Variants in PAXIP1 observed in about 807,000 individuals in gnomAD.
PAXIP1 encodes PAX-interacting protein 1.
A neutral mutation model predicts 140.6 loss-of-function variants in PAXIP1; 19 were observed. The ratio of observed to expected loss-of-function variants is 0.14; its 90% CI spans 0.09 to 0.20. PAXIP1 has a LOEUF of 0.20. Among genes scored for constraint, PAXIP1 ranks in the 10% least tolerant of loss-of-function variants. The pLI is 1.00. For missense variants in PAXIP1, 920 were observed against 1,208.6 expected (o/e 0.76, Z 3.54); for synonymous variants, 442 against 444.6 (o/e 0.99, Z 0.07).
intron 3 of PAXIP1, among the ~76,000 whole-genome samples, chr7:154,993,317 A>C (rs563922316): frequency 5.9e-5 from 9 of 152,190 alleles, no homozygotes; most frequent in Non-Finnish European, 1.2e-4. Flanking sequence ...TAATCGTTCT[A>C]CCCAATGCAA....
rs1808876383 is a variant in PAXIP1, at chr7:154,963,816, G to A, written c.1894-50C>T. 1.6e-6 allele frequency: 2 copies of A among 1,261,702 alleles called. No homozygotes were observed. Among genetic ancestry groups the A allele is most frequent in the Non-Finnish European group, 2.3e-6 (2 of 870,010 alleles). The allele number at this position is 1,261,702 out of a possible 1,614,324, so 78.2% of individuals were successfully genotyped here. A position where few individuals can be genotyped will look rare whatever the true frequency, so the allele number is the denominator to read the frequency against. On this transcript the variant is annotated intron_variant, in intron 8 of 20. Transcript: ENST00000404141. This position sits in a 1 kb window ranked among gnomAD's most constrained non-coding sequence, Gnocchi z 4.1. The stretch of plus-strand genomic sequence containing the variant: ...CAGTCATCAATCACTCAGAATAGAG[G>A]AGAATTCCAATTTCAAATAAGGCAG...
chr7:154,953,744 GA>G (rs965176801), intron 16 of PAXIP1, among the ~76,000 whole-genome samples: 1 of 152,128 alleles, frequency 6.6e-6, no homozygotes, highest in Non-Finnish European at 1.5e-5. Context: ...ATCAATCTAA[GA>G]AAAAACTATC....
At position 154,960,970 on chromosome 7, in the gene PAXIP1, A is replaced by C. The variant is rs376757936; in HGVS notation, c.2357T>G (p.Ile786Ser). The C allele has an allele frequency of 1.4e-5, 23 of 1,604,622 alleles. No individual in the cohort carries two copies. Among genetic ancestry groups the C allele is most frequent in the Admixed American group, 1.0e-4 (6 of 58,720 alleles). The change falls in exon 12 of 21, where the codon ATT becomes AGT. Residue 786 changes from isoleucine (I) to serine (S), a missense_variant. This residue lies in a region of PAXIP1 where 303 missense variants were observed against 517.9 expected (regional missense o/e 0.59). Transcript: ENST00000404141. ...LLGNFEALRQ[I>S]QYSRYTAFSL... The stretch of plus-strand genomic sequence containing the variant: ...GAATGCCGTGTAGCGACTATACTGA[A>C]TCTGCCTCAGTGCCTCAAAGTTTCC...
At chr7:154,977,375 C>T (rs1809629358) in intron 5 of PAXIP1, among the ~76,000 whole-genome samples, 3 of 152,182 alleles carry the variant, frequency 2.0e-5, no homozygotes, top group Admixed American at 2.0e-4. Flanking sequence ...AACTCCGTGT[C>T]CTGTTGCAGA....
At chr7:154,985,385 T>C (rs1810023419) in intron 4 of PAXIP1, among the ~76,000 whole-genome samples, 1 of 152,052 alleles carries the variant, frequency 6.6e-6, no homozygotes, top group Admixed American at 6.6e-5. Flanking sequence ...GTCCAGGCCC[T>C]TCCTGTCTGG....
chr7:154,983,480 T>C (rs899440449), intron 4 of PAXIP1, 148 bp from the exon 5 acceptor site: 8 of 579,600 alleles, frequency 1.4e-5, no homozygotes, highest in Non-Finnish European at 2.4e-5. Context: ...GAGAAGCTTT[T>C]AGCTATCTGC....
chr7:154,945,896 G>A (rs1315159132), intron 20 of PAXIP1: 1 of 985,232 alleles, frequency 1.0e-6, no homozygotes, highest in Non-Finnish European at 1.2e-6. Flanking sequence ...ACTGACCTTT[G>A]CATTTTCCTG....
At chr7:154,944,313 G>C (rs892238274) in intron 20 of PAXIP1, 149 bp from the exon 21 acceptor site, 29 of 611,578 alleles carry the variant, frequency 4.7e-5, no homozygotes, top group Non-Finnish European at 7.3e-5. Flanking sequence ...TCGCTCTGCT[G>C]CATACCCACA....
At chr7:154,948,564 T>A (rs1035335731) in intron 16 of PAXIP1, 14 of 151,754 alleles carry the variant, frequency 9.2e-5, no homozygotes, top group African/African-American at 3.1e-4. Context: ...ATAGTAATTT[T>A]TTTTTTTTTA....
intron 17 of PAXIP1, 74 bp downstream of exon 17, chr7:154,947,829 C>A: frequency 2.8e-6 from 3 of 1,069,066 alleles, no homozygotes; most frequent in Non-Finnish European, 4.4e-6. Context: ...CCCACCAAAT[C>A]ACCTGGTAGT....
chr7:154,999,080 A>C (rs1318435514), intron 1 of PAXIP1, among the ~76,000 whole-genome samples: 1 of 152,224 alleles, frequency 6.6e-6, no homozygotes, highest in Non-Finnish European at 1.5e-5. Context: ...AAACCAGGAG[A>C]CAGCACAACC....
Position 154,968,525 on chromosome 7 carries a change from T to G in PAXIP1, c.1676A>C (p.Gln559Pro). Residue 559 changes from glutamine to proline, a missense_variant, in exon 7 of 21, where the codon CAG becomes CCG. By Grantham distance (76) the Gln-to-Pro change is moderately conservative. Transcript: ENST00000404141. The part of the protein sequence containing the change: ...MQSQTAPHLS[Q>P]TSQALQHQVP... ...CTGATGCTGCAGCGCCTGTGACGTCTGACTCAAGTGTGGCGCTGTCTGACT... is the reference window on the plus strand; with the variant it reads ...CTGATGCTGCAGCGCCTGTGACGTCGGACTCAAGTGTGGCGCTGTCTGACT... 1 of 777,924 alleles carries G rather than the reference T, an allele frequency of 1.3e-6. No individual in the cohort carries two copies. The highest frequency in any genetic ancestry group is 2.3e-6 in the Non-Finnish European group (1 of 440,368). 48.2% of individuals were successfully genotyped at this position (777,924 alleles called of 1,614,324 possible). A position where few individuals can be genotyped will look rare whatever the true frequency, so the allele number is the denominator to read the frequency against.
chr7:154,952,015 A>G (rs1310475720), intron 16 of PAXIP1: 20 of 152,188 alleles, frequency 1.3e-4, no homozygotes, highest in Admixed American at 1.3e-3. Context: ...TAACGAATAG[A>G]CTATCTCCTT....
At chr7:154,985,698 A>G (rs143285429) in intron 4 of PAXIP1, among the ~76,000 whole-genome samples, 2 of 152,280 alleles carry the variant, frequency 1.3e-5, no homozygotes, top group East Asian at 1.9e-4. Flanking sequence ...CTTTAAACCA[A>G]TCAGGAACAC....
At chr7:154,999,494 G>T (rs192116328) in intron 1 of PAXIP1, among the ~76,000 whole-genome samples, 9 of 152,294 alleles carry the variant, frequency 5.9e-5, no homozygotes, top group African/African-American at 1.9e-4. Context: ...GACCTGTTAA[G>T]AAACAAGTGC....
chr7:154,993,713 A>G lies in PAXIP1; in HGVS notation c.260+13T>C, dbSNP rs1322080581. ...TACCCTTTCCCTCCTCCCCCACTCA[A>G]AAAAAAGGATACGGCAGAAGAGTTC... On this transcript the variant is annotated intron_variant, in intron 3 of 20. Transcript: ENST00000404141. 1.9e-6 allele frequency: 3 copies of G among 1,587,020 alleles called. No homozygotes were observed. The highest frequency in any genetic ancestry group is 3.5e-5 in the Admixed American group (2 of 56,692).
At chr7:154,982,833 C>A (rs1161123483) in intron 5 of PAXIP1, among the ~76,000 whole-genome samples, 1 of 152,056 alleles carries the variant, frequency 6.6e-6, no homozygotes, top group Non-Finnish European at 1.5e-5. Flanking sequence ...TAGAAAATTT[C>A]ACCACACACG....
At chr7:154,945,728 A>G (rs976995777) in intron 20 of PAXIP1, 10 of 985,244 alleles carry the variant, frequency 1.0e-5, no homozygotes, top group Middle Eastern at 1.0e-3. Context: ...TTTTCCCATA[A>G]GGACCTGTAA....
chr7:154,975,052 G>A (rs1217600960), intron 6 of PAXIP1, among the ~76,000 whole-genome samples: 3 of 150,864 alleles, frequency 2.0e-5, no homozygotes, highest in African/African-American at 7.3e-5. Flanking sequence ...AGCTACTCGG[G>A]AGGCTGAGGC....
Sources: gnomAD v4.1 joint callset for allele counts (sites outside exome capture counted in the v4.1 genomes callset) on GRCh38, gnomAD v4.1.1 for gene constraint, gnomAD v4.1.1 regional missense constraint, Gnocchi (gnomAD v3.1) non-coding constraint, MANE v1.5 for transcripts, NCBI Gene and HGNC (gene_info 2026-07-23, HGNC 2026-07-21) for gene names.